The following ABHD12 variants were observed in gnomAD, a reference collection of about 807,000 sequenced individuals.
ABHD12 encodes the protein abhydrolase domain containing 12, lysophospholipase, also known as lysophosphatidylserine lipase ABHD12.
In ABHD12, 43 loss-of-function variants were observed where a neutral mutation model predicts 58.3. That is an observed-to-expected ratio of 0.74 (90% CI 0.58 to 0.95). The LOEUF is 0.95. Among genes scored for constraint, ABHD12 ranks in the 40% least tolerant of loss-of-function variants. The probability of loss-of-function intolerance (pLI) is 0.00; values close to 1 mark genes in which losing one functional copy is unlikely to be tolerated. For synonymous variants in ABHD12, 219 were observed against 211.2 expected, an observed-to-expected ratio of 1.04 and a Z score of -0.32; for missense variants, 539 against 537.2, an observed-to-expected ratio of 1.00 and a Z score of -0.03.
At chr20:25,378,835 A>G (rs2089989874) in intron 1 of ABHD12, among the ~76,000 whole-genome samples, 2 of 152,000 alleles carry the variant, frequency 1.3e-5, no homozygotes, top group African/African-American at 2.4e-5. Flanking sequence ...TACAAACCCA[A>G]AAGTCCTGGC....
intron 1 of ABHD12, among the ~76,000 whole-genome samples, chr20:25,386,361 C>T (rs1318376162): frequency 1.3e-5 from 2 of 150,098 alleles, no homozygotes; most frequent in Non-Finnish European, 3.0e-5. Context: ...CGGATTCATG[C>T]CATTCTCCTA....
chr20:25,360,941 G>A (rs1287512588), intron 1 of ABHD12, among the ~76,000 whole-genome samples: 2 of 152,222 alleles, frequency 1.3e-5, no homozygotes, highest in African/African-American at 4.8e-5. Context: ...TAGAAGGTTT[G>A]GACTACGAAG....
At chr20:25,305,222 GT>G in intron 10 of ABHD12, among the ~76,000 whole-genome samples, 1 of 152,094 alleles carries the variant, frequency 6.6e-6, no homozygotes, top group Admixed American at 6.5e-5. Context: ...AGCAGGGTTT[GT>G]TGCTTAAAAT....
At chr20:25,357,534 G>A (rs1377923631) in intron 1 of ABHD12, among the ~76,000 whole-genome samples, 1 of 152,130 alleles carries the variant, frequency 6.6e-6, no homozygotes, top group East Asian at 1.9e-4. Flanking sequence ...AGAAAAATTG[G>A]TTCTGTAGGA....
intron 1 of ABHD12, among the ~76,000 whole-genome samples, chr20:25,353,240 T>C (rs2089624718): frequency 7.0e-6 from 1 of 143,168 alleles, no homozygotes; most frequent in African/African-American, 2.5e-5. Flanking sequence ...GGGCAAGCCA[T>C]AGGTGTTTTT....
intron 1 of ABHD12, among the ~76,000 whole-genome samples, chr20:25,385,795 G>A (rs1186442818): frequency 6.6e-6 from 1 of 152,070 alleles, no homozygotes; most frequent in Non-Finnish European, 1.5e-5. Context: ...TTCTTAAGCT[G>A]GCTAAAAGTT....
chr20:25,379,338 G>A (rs958856782), intron 1 of ABHD12, among the ~76,000 whole-genome samples: 1 of 152,216 alleles, frequency 6.6e-6, no homozygotes, highest in Admixed American at 6.5e-5. Flanking sequence ...AACTGAGAGA[G>A]AGAGGCCCAG....
chr20:25,308,072 G>A (rs1303650421), intron 8 of ABHD12, 27 bp from the exon 9 acceptor site: 7 of 1,487,996 alleles, frequency 4.7e-6, no homozygotes, highest in Non-Finnish European at 6.6e-6. Context: ...GGAACTGAGA[G>A]GTAGGCAGGA....
At chr20:25,336,136 C>G (rs2089364507) in intron 2 of ABHD12, among the ~76,000 whole-genome samples, 1 of 152,040 alleles carries the variant, frequency 6.6e-6, no homozygotes, top group South Asian at 2.1e-4. Context: ...TGAGTCTCAT[C>G]CAAACATCTT....
chr20:25,333,664 A>T (rs1054857641), intron 2 of ABHD12, among the ~76,000 whole-genome samples: 19 of 151,998 alleles, frequency 1.3e-4, no homozygotes, highest in African/African-American at 4.6e-4. Flanking sequence ...TACGCAAATC[A>T]ATAAATGTAA....
intron 1 of ABHD12, chr20:25,368,716 C>T: frequency 4.7e-6 from 6 of 1,274,724 alleles, no homozygotes; most frequent in Non-Finnish European, 6.8e-6. Flanking sequence ...GGAGACGCGG[C>T]CCAAGGGCTT....
At chr20:25,345,421 G>C (rs529753688) in intron 1 of ABHD12, among the ~76,000 whole-genome samples, 1 of 152,238 alleles carries the variant, frequency 6.6e-6, no homozygotes, top group East Asian at 1.9e-4. Context: ...ACCAAGGTAT[G>C]ATCCATGAAA....
At chr20:25,297,212 G>A (rs202163870), downstream of ABHD12, 3 of 152,382 alleles carry the variant, frequency 2.0e-5, no homozygotes, top group Admixed American at 1.3e-4. Context: ...GTGGGTGCTT[G>A]TGTCTGCTGT....
chr20:25,335,217 C>T (rs1385867023), intron 2 of ABHD12, among the ~76,000 whole-genome samples: 1 of 152,262 alleles, frequency 6.6e-6, no homozygotes, highest in Non-Finnish European at 1.5e-5. Flanking sequence ...TGCTCACCAT[C>T]ACTGGCCATT....
At chr20:25,334,853 T>C (rs1408471672) in intron 2 of ABHD12, among the ~76,000 whole-genome samples, 1 of 149,256 alleles carries the variant, frequency 6.7e-6, no homozygotes, top group Non-Finnish European at 1.5e-5. Flanking sequence ...ATAAAAACCC[T>C]AGAAGAAAAC....
chr20:25,390,337 G>A (rs111921789), intron 1 of ABHD12, among the ~76,000 whole-genome samples, 176 bp downstream of exon 1: 3 of 152,232 alleles, frequency 2.0e-5, no homozygotes, highest in East Asian at 1.9e-4. Flanking sequence ...GGAAGGGAGC[G>A]GGGGTGGGGC....
intron 1 of ABHD12, among the ~76,000 whole-genome samples, chr20:25,348,671 G>A (rs1043671921): frequency 1.3e-5 from 2 of 151,790 alleles, no homozygotes; most frequent in Non-Finnish European, 2.9e-5. Flanking sequence ...CAAATTGTGC[G>A]GAAAAAAACT....
chr20:25,348,307 G>C (rs1382716090), intron 1 of ABHD12, among the ~76,000 whole-genome samples: 1 of 152,052 alleles, frequency 6.6e-6, no homozygotes, highest in Non-Finnish European at 1.5e-5. Flanking sequence ...TTTTGGGCTA[G>C]AAAGAGAATA....
intron 1 of ABHD12, among the ~76,000 whole-genome samples, chr20:25,365,769 C>A (rs941606807): frequency 2.0e-5 from 3 of 152,174 alleles, no homozygotes; most frequent in Non-Finnish European, 4.4e-5. Flanking sequence ...AAAGTGTTCA[C>A]CAGGTGCAGG....
Sources: gnomAD v4.1 joint callset for allele counts (sites outside exome capture counted in the v4.1 genomes callset) on GRCh38, gnomAD v4.1.1 for gene constraint, MANE v1.5 for transcripts, NCBI Gene and HGNC (gene_info 2026-07-23, HGNC 2026-07-21) for gene names.